Variants in TOX observed in about 807,000 individuals in gnomAD.
TOX encodes thymocyte selection associated high mobility group box, also known as thymocyte selection-associated high mobility group box protein TOX.
TOX carries 11 observed loss-of-function variants against 53.7 expected under a neutral mutation model. That is an observed-to-expected ratio of 0.20 (90% CI 0.13 to 0.34). The LOEUF (loss-of-function observed/expected upper bound fraction) is 0.34, where lower values mean the gene tolerates loss of function less well. TOX is among the 10% of genes least tolerant of loss of function. The probability of loss-of-function intolerance (pLI) is 1.00; values close to 1 mark genes in which losing one functional copy is unlikely to be tolerated. For missense variants in TOX, 570 were observed against 664.6 expected (o/e 0.86, Z 1.56); for synonymous variants, 225 against 245.3 (o/e 0.92, Z 0.77).
chr8:58,896,675 A>AAAATC (rs1382136189), intron 3 of TOX, among the ~76,000 whole-genome samples: 1 of 1,894 alleles, frequency 5.3e-4, no homozygotes, highest in Non-Finnish European at 1.7e-3. Flanking sequence ...ATCCATCTCA[A>AAAATC]AAATAAAATA....
At chr8:58,914,922 AG>A (rs1316925017) in intron 3 of TOX, among the ~76,000 whole-genome samples, 1 of 151,806 alleles carries the variant, frequency 6.6e-6, no homozygotes, top group Non-Finnish European at 1.5e-5. Context: ...TCCCTTTCCG[AG>A]TCAAAGAAAG....
intron 2 of TOX, among the ~76,000 whole-genome samples, chr8:58,943,189 C>T (rs562899741): frequency 1.3e-5 from 2 of 152,280 alleles, no homozygotes; most frequent in South Asian, 4.1e-4. Flanking sequence ...GAGTTTGTGG[C>T]CCTCTGGCTC....
intron 1 of TOX, among the ~76,000 whole-genome samples, chr8:59,055,440 AGAGTTCCAG>A (rs769029819): frequency 3.9e-5 from 6 of 152,180 alleles, no homozygotes; most frequent in Non-Finnish European, 7.3e-5. Flanking sequence ...TGCCTACTAC[AGAGTTCCAG>A]GAAACAAGAA....
At chr8:58,889,230 AAAC>A (rs1289997636) in intron 3 of TOX, among the ~76,000 whole-genome samples, 9 of 150,316 alleles carry the variant, frequency 6.0e-5, no homozygotes, top group African/African-American at 1.7e-4. Context: ...AAAAAAAAAA[AAAC>A]AAAAAACCCT....
chr8:58,831,324 C>G (rs1383227893), intron 5 of TOX, among the ~76,000 whole-genome samples: 2 of 152,076 alleles, frequency 1.3e-5, no homozygotes, highest in African/African-American at 4.8e-5. Context: ...ATTGAGTGCC[C>G]AGTATGTGCC....
chr8:59,102,673 G>T (rs1016793393), intron 1 of TOX, among the ~76,000 whole-genome samples: 1 of 152,156 alleles, frequency 6.6e-6, no homozygotes, highest in Non-Finnish European at 1.5e-5. Context: ...GCTACAAGAT[G>T]AGATTTGGGT....
chr8:58,956,232 T>A (rs1189994318), intron 2 of TOX, among the ~76,000 whole-genome samples: 1 of 152,184 alleles, frequency 6.6e-6, no homozygotes, highest in East Asian at 1.9e-4. Flanking sequence ...TATAAAGGAC[T>A]ATGAAAGGTA....
chr8:58,846,844 G>A (rs138401734), intron 4 of TOX, among the ~76,000 whole-genome samples: 20 of 152,232 alleles, frequency 1.3e-4, no homozygotes, highest in African/African-American at 4.6e-4. Flanking sequence ...AAATCAAGAC[G>A]TAAAAGATTA....
At chr8:58,855,773 C>A (rs993497560) in intron 3 of TOX, among the ~76,000 whole-genome samples, 2 of 152,172 alleles carry the variant, frequency 1.3e-5, no homozygotes, top group Admixed American at 6.5e-5. Flanking sequence ...CTATAACCAT[C>A]CTTCATCTAC....
chr8:58,953,636 T>A (rs947523447), intron 2 of TOX, among the ~76,000 whole-genome samples: 4 of 152,200 alleles, frequency 2.6e-5, no homozygotes, highest in Non-Finnish European at 5.9e-5. Context: ...CTGGTTTGAG[T>A]AACTAGTCTG....
chr8:58,993,994 T>C (rs1203353527), intron 1 of TOX, among the ~76,000 whole-genome samples: 3 of 151,966 alleles, frequency 2.0e-5, no homozygotes, highest in Non-Finnish European at 4.4e-5. Flanking sequence ...TAGAACACAG[T>C]CTATTTTCAC....
intron 1 of TOX, among the ~76,000 whole-genome samples, chr8:58,975,128 T>C (rs1190325115): frequency 6.6e-6 from 1 of 151,918 alleles, no homozygotes; most frequent in African/African-American, 2.4e-5. Context: ...TTTACCTATA[T>C]GTAGATTTTA....
chr8:59,059,079 T>C (rs1368338254), intron 1 of TOX, among the ~76,000 whole-genome samples: 1 of 152,236 alleles, frequency 6.6e-6, no homozygotes, highest in Non-Finnish European at 1.5e-5. Flanking sequence ...AATTGAGGTA[T>C]ACCGGCAGCT....
At chr8:58,815,951 C>G (rs150351031) in intron 6 of TOX, among the ~76,000 whole-genome samples, 1 of 152,114 alleles carries the variant, frequency 6.6e-6, no homozygotes, top group African/African-American at 2.4e-5. Flanking sequence ...ACATTTTGTT[C>G]CTTTGCCTAA....
rs79124067 is a variant in TOX, at chr8:58,868,336, A to G, written c.412-16531T>C. ...AAACAGACTAATAGAATTTTGTTGT[A>G]AATTCTTTTGCTAGTCCACATGATA... On this transcript the variant is annotated intron_variant, in intron 3 of 8. Coordinates refer to ENST00000361421, the MANE Select transcript of TOX (RefSeq NM_014729.3). Among the ~76,000 whole-genome samples the G allele has an allele frequency of 1.6e-3, 244 of 152,324 alleles. 1 individual carries two copies. The highest frequency in any genetic ancestry group is 5.6e-3 in the African/African-American group (234 of 41,578).
intron 1 of TOX, among the ~76,000 whole-genome samples, chr8:59,080,928 G>A (rs1397928079): frequency 6.6e-6 from 1 of 152,166 alleles, no homozygotes; most frequent in Admixed American, 6.5e-5. Flanking sequence ...CCTAATACAA[G>A]CCTCTACCTA....
chr8:58,965,134 A>C (rs1388283562), intron 1 of TOX, among the ~76,000 whole-genome samples: 1 of 152,152 alleles, frequency 6.6e-6, no homozygotes, highest in Non-Finnish European at 1.5e-5. Context: ...AGGGCTTTTA[A>C]TTTCCATGTA....
At chr8:58,939,025 G>T (rs748715765) in intron 3 of TOX, among the ~76,000 whole-genome samples, 1 of 152,116 alleles carries the variant, frequency 6.6e-6, no homozygotes, top group African/African-American at 2.4e-5. Context: ...CTGGTAAGCC[G>T]GTTTGACTCT....
intron 1 of TOX, among the ~76,000 whole-genome samples, chr8:59,116,482 A>T (rs1375451219): frequency 2.6e-5 from 4 of 152,242 alleles, no homozygotes; most frequent in Admixed American, 2.6e-4. Flanking sequence ...ATTATGCACA[A>T]CTACAATTGT....
Sources: allele counts gnomAD v4.1 joint callset (sites outside exome capture counted in the v4.1 genomes callset), GRCh38; gene constraint gnomAD v4.1.1; transcripts MANE v1.5; gene names NCBI Gene and HGNC (gene_info 2026-07-23, HGNC 2026-07-21).